FUBP1: variants seen among roughly 807,000 people sequenced by gnomAD.
The protein encoded by FUBP1 is far upstream element binding protein 1, also known as far upstream element-binding protein 1.
A neutral mutation model predicts 94.9 loss-of-function variants in FUBP1; 16 were observed. The ratio of observed to expected loss-of-function variants is 0.17; its 90% confidence interval spans 0.11 to 0.26. The LOEUF (loss-of-function observed/expected upper bound fraction) is 0.26. FUBP1 is among the 10% of genes least tolerant of loss of function. FUBP1 has a pLI of 1.00. For missense variants in FUBP1, 583 were observed against 808.6 expected, an observed-to-expected ratio of 0.72 and a Z score of 3.38; for synonymous variants, 279 against 254.9, an observed-to-expected ratio of 1.09 and a Z score of -0.90.
rs897174084 is a variant in FUBP1 at position 77,947,783 on chromosome 1, G to GA, written c.*982dup. The GA allele has an allele frequency of 0.033, 19,130 of 586,788 alleles. No homozygotes were observed. Among genetic ancestry groups the GA allele is most frequent in the South Asian group, 0.042 (1,233 of 29,090 alleles). 36.3% of individuals were successfully genotyped at this position (586,788 alleles called of 1,614,324 possible). ...ACAAAGCTTATCTATACTGCATAAA[G>GA]AAAAAAAAAAAGCTTGAACGTTTCC... On this transcript the variant is annotated 3_prime_UTR_variant, in exon 20 of 20. Coordinates refer to ENST00000370768, the MANE Select transcript of FUBP1 (RefSeq NM_003902.5).
At chr1:77,969,783 C>T (rs1657176236) in intron 2 of FUBP1, 142 bp downstream of exon 2, 5 of 413,502 alleles carry the variant, frequency 1.2e-5, no homozygotes, top group Non-Finnish European at 2.2e-5. Flanking sequence ...TTCTTTCCCC[C>T]CTTTTAGGCC....
Position 77,970,017 on chromosome 1 carries a change from T to TA in FUBP1, c.121-3dup, listed in dbSNP as rs202224025. On this transcript the variant is annotated splice_polypyrimidine_tract_variant and splice_region_variant and intron_variant, in intron 1 of 19. Transcript: ENST00000370768. ...ATCACCTCCAATTTTTGCTGCAATCTAAAAAAAAAAAAGAAAAATACCATC... is the reference window on the plus strand; with the variant it reads ...ATCACCTCCAATTTTTGCTGCAATCTAAAAAAAAAAAAAGAAAAATACCATC... The TA allele has an allele frequency of 0.032, 39,019 of 1,218,728 alleles. No homozygotes were observed. Among genetic ancestry groups the TA allele is most frequent in the Non-Finnish European group, 0.035 (30,963 of 882,768 alleles). 75.5% of individuals were successfully genotyped at this position (1,218,728 alleles called of 1,614,324 possible).
chr1:77,966,566 G>T, intron 7 of FUBP1, 128 bp downstream of exon 7: 2 of 642,932 alleles, frequency 3.1e-6, no homozygotes. Context: ...CAAAGGAGTT[G>T]GAGGACTTTG....
chr1:77,955,665 G>A (rs1223262336), intron 17 of FUBP1, among the ~76,000 whole-genome samples: 1 of 152,192 alleles, frequency 6.6e-6, no homozygotes, highest in African/African-American at 2.4e-5. Flanking sequence ...ACCCCAAAAT[G>A]CTGAAACGGA....
At chr1:77,962,988 T>C (rs1655788229) in intron 13 of FUBP1, 58 bp from the exon 14 acceptor site, 10 of 1,184,312 alleles carry the variant, frequency 8.4e-6, no homozygotes, top group Non-Finnish European at 1.1e-5. Context: ...AGGAGCTATT[T>C]AGAAGAAAAT....
At chr1:77,957,994 G>A (rs1364583470) in intron 16 of FUBP1, among the ~76,000 whole-genome samples, 1 of 152,048 alleles carries the variant, frequency 6.6e-6, no homozygotes, top group Non-Finnish European at 1.5e-5. Flanking sequence ...GTTTCGCCAT[G>A]TTTGCCAGGC....
chr1:77,969,256 T>C (rs1175071378), intron 2 of FUBP1, among the ~76,000 whole-genome samples: 1 of 151,782 alleles, frequency 6.6e-6, no homozygotes, highest in East Asian at 1.9e-4. Flanking sequence ...GTGAGAATCC[T>C]CCCTTTAAAA....
At position 77,956,583 on chromosome 1, in the gene FUBP1, G is replaced by C. The variant is rs1161982812; in HGVS notation, c.1694C>G (p.Thr565Ser). The C allele has an allele frequency of 1.2e-6, 2 of 1,612,682 alleles. No homozygotes were observed. The highest frequency in any genetic ancestry group is 8.5e-7 in the Non-Finnish European group (1 of 1,178,936). ...APAGAPTTTQ[T>S]NGQGDQQNPA... ...AGTTCTGTAGTTACCTTGTCCATTA[G>C]TTTGAGTTGTAGTTGGTGCACCTGC... is the stretch of plus-strand genomic sequence containing the variant. The change falls in exon 17 of 20, where the codon ACT (threonine) becomes AGT (serine). Residue 565 changes from threonine to serine, a missense_variant. Thr to Ser is a moderately conservative substitution (Grantham distance 58). Transcript: ENST00000370768.
rs1440722779 is a variant in FUBP1 at position 77,947,745 on chromosome 1, G to C, written c.*1021C>G. On this transcript the variant is annotated 3_prime_UTR_variant, in exon 20 of 20. Coordinates refer to ENST00000370768, the MANE Select transcript of FUBP1 (RefSeq NM_003902.5). ...TTAAGTTGATTCAATGATTGGACTT[G>C]TGCATTTACAAAACAAAGCTTATCT... 1.7e-6 allele frequency: 1 copy of C among 572,156 alleles called. No individual in the cohort carries two copies. Among genetic ancestry groups the C allele is most frequent in the Admixed American group, 3.3e-5 (1 of 30,390 alleles). The allele number at this position is 572,156 out of a possible 1,614,324, so 35.4% of individuals were successfully genotyped here.
chr1:77,954,880 T>C (rs1421413640), intron 18 of FUBP1, among the ~76,000 whole-genome samples: 1 of 152,210 alleles, frequency 6.6e-6, no homozygotes, highest in African/African-American at 2.4e-5. Flanking sequence ...TTTCCGTCAC[T>C]GCAGATTACT....
Position 77,964,743 on chromosome 1 carries a change from G to T in FUBP1, c.740C>A (p.Ala247Asp). 6.2e-7 allele frequency: 1 copy of T among 1,607,674 alleles called. No individual in the cohort carries two copies. The highest frequency in any genetic ancestry group is 8.5e-7 in the Non-Finnish European group (1 of 1,174,412). ...AATTAACTCTAACACCATTTCCTTG[G>T]CTTGCTAAAGCAGAAAAAGTTAGCT... ...ITGDPYKVQQ[A>D]KEMVLELIRD... The change falls in exon 10 of 20, where the codon GCC (alanine) becomes GAC (aspartate). Residue 247 changes from alanine to aspartate, a missense_variant. Physicochemically the swap from Ala to Asp is moderately radical, Grantham distance 126. Transcript: ENST00000370768.
intron 1 of FUBP1, among the ~76,000 whole-genome samples, chr1:77,970,356 T>C (rs1376031151): frequency 1.4e-4 from 22 of 152,212 alleles, no homozygotes; most frequent in Non-Finnish European, 2.9e-5. Context: ...ACACATAGAA[T>C]GTGAACACTT....
At chr1:77,956,508 T>G in intron 17 of FUBP1, 64 bp downstream of exon 17, 1 of 1,083,580 alleles carries the variant, frequency 9.2e-7, no homozygotes, top group South Asian at 1.4e-5. Context: ...TATACAGTGA[T>G]GTACTTCATA....
chr1:77,951,922 C>T (rs1653543338), intron 18 of FUBP1, among the ~76,000 whole-genome samples: 1 of 152,194 alleles, frequency 6.6e-6, no homozygotes, highest in African/African-American at 2.4e-5. Context: ...GAGTCTACCA[C>T]ATCAGTCCTT....
intron 1 of FUBP1, among the ~76,000 whole-genome samples, chr1:77,975,876 GA>G (rs1012354070): frequency 2.7e-4 from 38 of 141,886 alleles, no homozygotes; most frequent in South Asian, 4.5e-4. Context: ...ATAAAAGCCA[GA>G]AAAAAAAAAA....
rs1414167149 is a variant in FUBP1 at position 77,964,991 on chromosome 1, A to G, written c.637-23T>C. On this transcript the variant is annotated intron_variant, in intron 8 of 19. Transcript: ENST00000370768. ...TTCCTGTTACAATCATAGAAATAAT[A>G]TATATTAACAAAAGGAAGTGGACAA... 8 of 1,595,886 alleles carry G rather than the reference A, an allele frequency of 5.0e-6. No homozygotes were observed. The South Asian group carries it at 6.6e-5, about 13-fold the overall frequency.
chr1:77,964,409 T>TA lies in FUBP1; in HGVS notation c.838-54dup, dbSNP rs200099776. ...AAAGCTAGCTTCTCAGGGTTTAAAG[T>TA]AAAAAAAAGTATTTTAAAAAAGCGC... On this transcript the variant is annotated intron_variant, in intron 10 of 19. Coordinates refer to ENST00000370768, the MANE Select transcript of FUBP1 (RefSeq NM_003902.5). The TA allele has an allele frequency of 1.5e-3, 1,708 of 1,110,108 alleles. 22 individuals carry two copies. In the African/African-American group the frequency reaches 0.024, roughly 15 times the overall value. 68.8% of individuals were successfully genotyped at this position (1,110,108 alleles called of 1,614,324 possible). A position where few individuals can be genotyped will look rare whatever the true frequency, so the allele number is the denominator to read the frequency against.
chr1:77,955,226 T>C, intron 18 of FUBP1, 29 bp downstream of exon 18: 1 of 900,762 alleles, frequency 1.1e-6, no homozygotes. Flanking sequence ...TAATTAAGTA[T>C]GTATTTTCAA....
chr1:77,978,537 G>C (rs544598871), intron 1 of FUBP1, among the ~76,000 whole-genome samples: 38 of 152,334 alleles, frequency 2.5e-4, no homozygotes, highest in African/African-American at 8.7e-4. Flanking sequence ...CTCATTACCA[G>C]AACCTTCCAT....
Sources: allele counts gnomAD v4.1 joint callset (sites outside exome capture counted in the v4.1 genomes callset), GRCh38; gene constraint gnomAD v4.1.1; transcripts MANE v1.5; gene names NCBI Gene and HGNC (gene_info 2026-07-23, HGNC 2026-07-21).